Variants in FMR1NB observed in about 807,000 individuals in gnomAD.
The protein encoded by FMR1NB is FMR1 neighbor protein.
In FMR1NB, 10 loss-of-function variants were observed where a neutral mutation model predicts 16.8. The ratio of observed to expected loss-of-function variants is 0.60; its 90% CI spans 0.37 to 1.01. The LOEUF is 1.01. Among genes scored for constraint, FMR1NB ranks in the 50% least tolerant of loss-of-function variants. FMR1NB has a pLI of 0.01. For missense variants in FMR1NB, 205 were observed against 204.8 expected, an observed-to-expected ratio of 1.00 and a Z score of 0.00; for synonymous variants, 83 against 79.1, an observed-to-expected ratio of 1.05 and a Z score of -0.26.
intron 3 of FMR1NB, among the ~76,000 whole-genome samples, chrX:148,007,675 C>A (rs782121324): frequency 1.8e-5 from 2 of 111,726 alleles, no homozygotes; most frequent in Non-Finnish European, 3.8e-5. Flanking sequence ...TTTTTGCTAC[C>A]TTCATTTGGA....
rs782129589 is a variant in FMR1NB, at chrX:147,989,476, G to C, written c.277+7797G>C. ...GGTCTCTCCCAGTCAGGAGGCACAGGGGTCAGGGACCCACTTGAGGATGCA... is the reference window on the plus strand; with the variant it reads ...GGTCTCTCCCAGTCAGGAGGCACAGCGGTCAGGGACCCACTTGAGGATGCA... On this transcript the variant is annotated intron_variant, in intron 1 of 5. Coordinates refer to ENST00000370467, the MANE Select transcript of FMR1NB (RefSeq NM_152578.3). Among the ~76,000 whole-genome samples, 638 of 112,156 alleles carry C rather than the reference G, an allele frequency of 5.7e-3. 3 individuals are homozygous for C. The highest frequency in any genetic ancestry group is 8.2e-3 in the Admixed American group (87 of 10,660).
At chrX:147,982,754 TGTG>T (rs1569546500) in intron 1 of FMR1NB, among the ~76,000 whole-genome samples, 1 of 103,242 alleles carries the variant, frequency 9.7e-6, no homozygotes, top group African/African-American at 3.6e-5. Context: ...ATTAGCCAGG[TGTG>T]GTGGCAGGCG....
At chrX:148,024,732 A>C (rs2044694861) in intron 4 of FMR1NB, 133 bp from the exon 5 acceptor site, 3 of 756,563 alleles carry the variant, frequency 4.0e-6, no homozygotes, top group South Asian at 5.8e-5. Context: ...CGGATTTATT[A>C]AATCTGGTGA....
In FMR1NB at chrX:148,006,838, A is replaced by G. The variant is rs782789954; in HGVS notation, c.534A>G (p.Arg178=). ...GCTTCAAATGTTTTGCTCCATTTAG[A>G]GATGGTAAGTTATTCCTCTTTCATT... The part of the protein sequence containing the change: ...TTSFKCFAPF[R]DVPKQMMQMF... The change falls in exon 3 of 6, where the codon AGA becomes AGG. Residue 178 remains arginine (R), a synonymous_variant. Transcript: ENST00000370467. 8.3e-7 allele frequency: 1 copy of G among 1,204,624 alleles called. No homozygotes were observed. The highest frequency in any genetic ancestry group is 3.0e-5 in the East Asian group (1 of 33,787).
intron 4 of FMR1NB, among the ~76,000 whole-genome samples, chrX:148,022,147 C>G (rs1160552986): frequency 9.0e-6 from 1 of 111,684 alleles, no homozygotes; most frequent in African/African-American, 3.3e-5. Flanking sequence ...CAACATGCCA[C>G]CTTGTCACTC....
chrX:147,981,376 C>T lies in FMR1NB; in HGVS notation c.-27C>T, dbSNP rs202129849. On this transcript the variant is annotated 5_prime_UTR_variant, in exon 1 of 6. Coordinates refer to ENST00000370467, the MANE Select transcript of FMR1NB (RefSeq NM_152578.3). Reference sequence around the variant, plus strand: ...GCCGGACCGTTGGGCTGTGAGGCAGCGTCTCAGCGAGGCGGCACCCGGAGC... The same window carrying T: ...GCCGGACCGTTGGGCTGTGAGGCAGTGTCTCAGCGAGGCGGCACCCGGAGC... 2.7e-4 allele frequency: 320 copies of T among 1,192,221 alleles called. 1 individual carries two copies. The African/African-American group carries it at 5.2e-3, about 19-fold the overall frequency.
chrX:147,993,810 C>T (rs2044527503), intron 1 of FMR1NB, among the ~76,000 whole-genome samples: 1 of 110,491 alleles, frequency 9.1e-6, no homozygotes, highest in African/African-American at 3.3e-5. Context: ...CCTTCCTTCA[C>T]CACCCAAAGG....
At chrX:148,016,191 G>A (rs1415038108) in intron 4 of FMR1NB, among the ~76,000 whole-genome samples, 1 of 109,003 alleles carries the variant, frequency 9.2e-6, no homozygotes, top group Non-Finnish European at 1.9e-5. Context: ...CAGTCTATAT[G>A]TGTCTTTATA....
At chrX:148,012,112 A>G (rs1204446195) in intron 4 of FMR1NB, among the ~76,000 whole-genome samples, 1 of 111,594 alleles carries the variant, frequency 9.0e-6, no homozygotes, top group Non-Finnish European at 1.9e-5. Flanking sequence ...GCCTTTGCTT[A>G]GAGGAGAAGG....
At position 147,981,665 on chromosome X, in the gene FMR1NB, A is replaced by G. The variant is rs1557186525; in HGVS notation, c.263A>G (p.Tyr88Cys). The G allele has an allele frequency of 2.4e-5, 25 of 1,034,248 alleles. No individual in the cohort carries two copies. The highest frequency in any genetic ancestry group is 3.2e-5 in the Non-Finnish European group (25 of 788,676). The allele number at this position is 1,034,248 out of a possible 1,213,427, so 85.2% of individuals were successfully genotyped here. A position where few individuals can be genotyped will look rare whatever the true frequency, so the allele number is the denominator to read the frequency against. The stretch of plus-strand genomic sequence containing the variant: ...CTGTTCGTGTGCTACTACCTGTCCT[A>G]CTACCTGTGCTCCGGTGAGTGCTGG... Reference protein sequence around the residue: ...ILLFVCYYLSYYLCSGSSYFV... With the variant: ...ILLFVCYYLSCYLCSGSSYFV... Residue 88 changes from tyrosine (Y) to cysteine (C), a missense_variant, in exon 1 of 6, where the codon TAC (tyrosine) becomes TGC (cysteine). Physicochemically the swap from Tyr to Cys is radical, Grantham distance 194 (BLOSUM62 -2). Transcript: ENST00000370467.
intron 1 of FMR1NB, among the ~76,000 whole-genome samples, chrX:147,989,811 C>T (rs1437800418): frequency 3.6e-5 from 4 of 110,794 alleles, no homozygotes; most frequent in Non-Finnish European, 7.6e-5. Flanking sequence ...AGGGGAAAGC[C>T]GCCTACTCAA....
intron 1 of FMR1NB, 147 bp downstream of exon 1, chrX:147,981,826 C>T: frequency 4.7e-6 from 3 of 644,940 alleles, no homozygotes; most frequent in African/African-American, 2.2e-5. Context: ...CTTTATGGCC[C>T]TATCCTCAGC....
intron 1 of FMR1NB, among the ~76,000 whole-genome samples, chrX:147,998,244 C>G (rs6626294): frequency 0.091 from 10,204 of 111,766 alleles, 416 homozygotes; most frequent in African/African-American, 0.14. Context: ...GAAAATATGG[C>G]ACATATACAT....
At chrX:147,998,135 G>C (rs1033150781) in intron 1 of FMR1NB, among the ~76,000 whole-genome samples, 4 of 112,293 alleles carry the variant, frequency 3.6e-5, no homozygotes, top group African/African-American at 9.7e-5. Context: ...AATCATTCTA[G>C]TATAAAGACA....
intron 3 of FMR1NB, among the ~76,000 whole-genome samples, chrX:148,007,822 A>G (rs2044604586): frequency 8.9e-6 from 1 of 112,016 alleles, no homozygotes; most frequent in South Asian, 3.7e-4. Flanking sequence ...TTTTTGTTGA[A>G]TATGTAGTAT....
chrX:148,006,912 C>T, intron 3 of FMR1NB, 70 bp downstream of exon 3: 5 of 1,074,817 alleles, frequency 4.7e-6, no homozygotes, highest in Non-Finnish European at 6.3e-6. Flanking sequence ...GGCATAAGTT[C>T]ATATTTGGAT....
At chrX:148,004,999 C>T (rs887114772) in intron 2 of FMR1NB, among the ~76,000 whole-genome samples, 1 of 112,362 alleles carries the variant, frequency 8.9e-6, no homozygotes, top group South Asian at 3.7e-4. Flanking sequence ...AAGCAATTCT[C>T]CTACCTCAGC....
In FMR1NB at chrX:148,025,036, G is replaced by T. The variant is rs188780146; in HGVS notation, c.*13+23G>T. Reference sequence around the variant, plus strand: ...AAGGTAATTGACAATAGGATATAAAGTTGAAGTGCTCAATCTCTGATTCTT... The same window carrying T: ...AAGGTAATTGACAATAGGATATAAATTTGAAGTGCTCAATCTCTGATTCTT... On this transcript the variant is annotated intron_variant, in intron 5 of 5. Coordinates refer to ENST00000370467, the MANE Select transcript of FMR1NB (RefSeq NM_152578.3). The T allele has an allele frequency of 1.1e-5, 13 of 1,187,720 alleles. No individual in the cohort carries two copies. In the East Asian group the frequency reaches 3.6e-4, roughly 33 times the overall value.
intron 1 of FMR1NB, among the ~76,000 whole-genome samples, chrX:147,984,612 G>C (rs1159027097): frequency 9.0e-6 from 1 of 111,598 alleles, no homozygotes; most frequent in Non-Finnish European, 1.9e-5. Context: ...AAGATTTTGT[G>C]GGCTTTTTGG....
Sources: gnomAD v4.1 joint callset for allele counts (sites outside exome capture counted in the v4.1 genomes callset) on GRCh38, gnomAD v4.1.1 for gene constraint, MANE v1.5 for transcripts, NCBI Gene and HGNC (gene_info 2026-07-23, HGNC 2026-07-21) for gene names.